The following ZFHX3 variants were observed in gnomAD, a reference collection of about 807,000 sequenced individuals.
ZFHX3 encodes the protein zinc finger homeobox protein 3.
ZFHX3 carries 42 observed loss-of-function variants against 279.1 expected under a neutral mutation model. The observed-to-expected ratio is 0.15, with a 90% CI of 0.12 to 0.19. ZFHX3 has a LOEUF of 0.19. Among genes scored for constraint, ZFHX3 ranks in the 10% least tolerant of loss-of-function variants. The probability of loss-of-function intolerance (pLI) is 1.00; values close to 1 mark genes in which losing one functional copy is unlikely to be tolerated. For missense variants in ZFHX3, 4,981 were observed against 4,754.0 expected (o/e 1.05, Z -1.40); for synonymous variants, 2,293 against 1,957.8 (o/e 1.17, Z -4.52).
intron 8 of ZFHX3, among the ~76,000 whole-genome samples, chr16:73,067,116 A>G (rs1965765107): frequency 6.6e-6 from 1 of 152,042 alleles, no homozygotes; most frequent in Admixed American, 6.5e-5. Context: ...GGGTGTGTGG[A>G]GTTAGCGAAG....
intron 1 of ZFHX3, among the ~76,000 whole-genome samples, chr16:72,975,803 CT>C (rs1278326064): frequency 6.6e-6 from 1 of 152,212 alleles, no homozygotes; most frequent in African/African-American, 2.4e-5. Context: ...CACAGATGGT[CT>C]TTCTCCTCTT....
intron 2 of ZFHX3, among the ~76,000 whole-genome samples, chr16:73,563,245 T>G (rs1459726340): frequency 8.1e-6 from 1 of 123,230 alleles, no homozygotes; most frequent in Non-Finnish European, 1.9e-5. Context: ...TTTGTTTTTG[T>G]TTTTTTTTTT....
chr16:73,838,787 TGTGC>T (rs1293347709), intron 1 of ZFHX3, among the ~76,000 whole-genome samples: 3 of 149,002 alleles, frequency 2.0e-5, no homozygotes, highest in East Asian at 1.9e-4. Flanking sequence ...TGTGTGTGTG[TGTGC>T]GTGCGCGCAC....
At position 72,793,748 on chromosome 16, in the gene ZFHX3, G is replaced by C. The variant is rs1161541621; in HGVS notation, c.8934C>G (p.Val2978=). ...TTGGCAGTCCAATGTCATTGCCCAG[G>C]ACCTCACATTCTAGCATAGTGGGTG... ...YRTPTMLECE[V]LGNDIGLPKR... Residue 2978 remains valine (V), a synonymous_variant, in exon 9 of 10, where the codon GTC becomes GTG. Coordinates refer to ENST00000268489, the MANE Select transcript of ZFHX3 (RefSeq NM_006885.4). The surrounding 1 kb of genome is among the most constrained non-coding windows in gnomAD (Gnocchi z 4.3). 6.2e-7 allele frequency: 1 copy of C among 1,614,110 alleles called. No individual in the cohort carries two copies. Among genetic ancestry groups the C allele is most frequent in the Non-Finnish European group, 8.5e-7 (1 of 1,180,036 alleles).
At chr16:73,885,549 T>G (rs2030318563) in intron 1 of ZFHX3, among the ~76,000 whole-genome samples, 2 of 152,202 alleles carry the variant, frequency 1.3e-5, no homozygotes, top group East Asian at 3.9e-4. Context: ...CTTCTTTTTG[T>G]TTGTTTCATT....
intron 4 of ZFHX3, among the ~76,000 whole-genome samples, chr16:73,272,325 A>G (rs2014169398): frequency 6.6e-6 from 1 of 152,110 alleles, no homozygotes; most frequent in African/African-American, 2.4e-5. Context: ...TTTCTGGTAA[A>G]ATGTTATTGG....
intron 2 of ZFHX3, among the ~76,000 whole-genome samples, chr16:73,525,751 T>G (rs1189012251): frequency 6.6e-6 from 1 of 152,208 alleles, no homozygotes; most frequent in Non-Finnish European, 1.5e-5. Flanking sequence ...GGTTCAGGCT[T>G]AATCACTTGT....
At chr16:73,423,230 T>C (rs1334198951) in intron 3 of ZFHX3, among the ~76,000 whole-genome samples, 1 of 34,844 alleles carries the variant, frequency 2.9e-5, no homozygotes, top group East Asian at 3.8e-4. Context: ...TCAAGAGCTG[T>C]TAGGGAAAAA....
rs1365015930 is a variant in ZFHX3 at position 73,368,430 on chromosome 16, T to C, written c.-1290-50094A>G. On this transcript the variant is annotated intron_variant, in intron 3 of 17. Coordinates refer to the ZFHX3 transcript ENST00000641206. ...TGTGAATTCAGTTGCTGTGGTGAGC[T>C]CTTTTTCTAGGTTCTAGCTGAGCCT... Among the ~76,000 whole-genome samples, 3 of 152,238 alleles carry C rather than the reference T, an allele frequency of 2.0e-5. No individual in the cohort carries two copies. The South Asian group carries it at 6.2e-4, about 32-fold the overall frequency.
chr16:73,470,001 A>G (rs1454206836), intron 2 of ZFHX3, among the ~76,000 whole-genome samples: 3 of 152,172 alleles, frequency 2.0e-5, no homozygotes, highest in Non-Finnish European at 4.4e-5. Flanking sequence ...TGTGCGGAAA[A>G]GCTGGAGAAT....
chr16:73,191,565 A>C (rs1455588240), intron 5 of ZFHX3, among the ~76,000 whole-genome samples: 1 of 152,082 alleles, frequency 6.6e-6, no homozygotes, highest in African/African-American at 2.4e-5. Flanking sequence ...GCTGCAGAAA[A>C]ACAAAAAACC....
At chr16:73,134,665 G>C (rs1966757837) in intron 6 of ZFHX3, 1 of 151,866 alleles carries the variant, frequency 6.6e-6, no homozygotes, top group African/African-American at 2.4e-5. Context: ...CTATTTCTAA[G>C]TCCCTGAGAC....
chr16:73,264,025 G>A (rs1318893445), intron 4 of ZFHX3, among the ~76,000 whole-genome samples: 1 of 152,124 alleles, frequency 6.6e-6, no homozygotes, highest in African/African-American at 2.4e-5. Context: ...AAATCAGCCA[G>A]GCGTGGTGGC....
intron 1 of ZFHX3, among the ~76,000 whole-genome samples, chr16:73,831,959 G>A (rs907159338): frequency 2.0e-5 from 3 of 152,208 alleles, no homozygotes; most frequent in African/African-American, 7.2e-5. Context: ...GGAGTGCAGT[G>A]GCATGATCTT....
At chr16:73,158,961 A>C (rs1049127660) in intron 5 of ZFHX3, among the ~76,000 whole-genome samples, 1 of 152,222 alleles carries the variant, frequency 6.6e-6, no homozygotes, top group Non-Finnish European at 1.5e-5. Flanking sequence ...TGTAAAACTC[A>C]AAACCATGAA....
intron 2 of ZFHX3, among the ~76,000 whole-genome samples, chr16:73,635,207 T>G (rs919205285): frequency 6.6e-6 from 1 of 152,178 alleles, no homozygotes; most frequent in Non-Finnish European, 1.5e-5. Flanking sequence ...GATCTTTATA[T>G]GGTATAATTA....
At chr16:73,570,459 C>T (rs1223732339) in intron 2 of ZFHX3, among the ~76,000 whole-genome samples, 1 of 152,132 alleles carries the variant, frequency 6.6e-6, no homozygotes, top group Non-Finnish European at 1.5e-5. Context: ...CTAGTTTAGA[C>T]CTTTATATCA....
chr16:72,914,425 G>A lies in ZFHX3; in HGVS notation c.3217-24463C>T, dbSNP rs116243730. 6.6e-3 allele frequency among the ~76,000 whole-genome samples: 1,002 copies of A among 152,174 alleles called. 14 individuals carry two copies. The highest frequency in any genetic ancestry group is 0.023 in the African/African-American group (959 of 41,528). On this transcript the variant is annotated intron_variant, in intron 3 of 9. Transcript: ENST00000268489. Reference sequence around the variant, plus strand: ...CCCTATCTACTACAGACACAAACTTGGAACTGTCTCCAAAAACATTTAGAG... The same window carrying A: ...CCCTATCTACTACAGACACAAACTTAGAACTGTCTCCAAAAACATTTAGAG...
In ZFHX3 at chr16:72,795,711, C is replaced by T. The variant is rs1223621994; in HGVS notation, c.6971G>A (p.Ser2324Asn). ...ELTNDRYIRT[S>N]NLNYQCKKCS... ...TTTTTTGCACTGGTAGTTCAAGTTG[C>T]TTGTTCGAATGTATCTATCATTTGT... Residue 2324 changes from serine to asparagine, a missense_variant, in exon 9 of 10, where the codon AGC becomes AAC. Transcript: ENST00000268489. 3.1e-6 allele frequency: 5 copies of T among 1,614,150 alleles called. No homozygotes were observed. Among genetic ancestry groups the T allele is most frequent in the Non-Finnish European group, 4.2e-6 (5 of 1,180,026 alleles).
Sources: gnomAD v4.1 joint callset for allele counts (sites outside exome capture counted in the v4.1 genomes callset) on GRCh38, gnomAD v4.1.1 for gene constraint, Gnocchi (gnomAD v3.1) non-coding constraint, MANE v1.5 for transcripts, NCBI Gene and HGNC (gene_info 2026-07-23, HGNC 2026-07-21) for gene names.